The following OSBPL10 variants were observed in gnomAD, a reference collection of about 807,000 sequenced individuals.
OSBPL10 encodes oxysterol binding protein like 10.
OSBPL10 carries 49 observed loss-of-function variants against 81.7 expected under a neutral mutation model. The ratio of observed to expected loss-of-function variants is 0.60; its 90% CI spans 0.48 to 0.76. The LOEUF (loss-of-function observed/expected upper bound fraction) is 0.76, where lower values mean the gene tolerates loss of function less well. Among genes scored for constraint, OSBPL10 ranks in the 30% least tolerant of loss-of-function variants. The pLI is 0.00. For synonymous variants in OSBPL10, 419 were observed against 383.6 expected (o/e 1.09, Z -1.08); for missense variants, 923 against 987.8 (o/e 0.93, Z 0.88).
chr3:31,953,853 GAGAGAC>G (rs1697937051), intron 1 of OSBPL10, among the ~76,000 whole-genome samples: 1 of 152,222 alleles, frequency 6.6e-6, no homozygotes, highest in Admixed American at 6.5e-5. Context: ...GTGTGTGACA[GAGAGAC>G]AGAGACAGAG....
chr3:31,892,524 T>A, intron 1 of OSBPL10, among the ~76,000 whole-genome samples: 1 of 152,104 alleles, frequency 6.6e-6, no homozygotes, highest in South Asian at 2.1e-4. Flanking sequence ...ACACATTCTC[T>A]CCCCAAAAAA....
Position 31,668,718 on chromosome 3 carries a change from C to T in OSBPL10, c.2020G>A (p.Val674Ile), listed in dbSNP as rs756073192. The T allele has an allele frequency of 5.0e-6, 8 of 1,614,138 alleles. No homozygotes were observed. In the South Asian group the frequency reaches 7.7e-5, roughly 16 times the overall value. Reference protein sequence around the residue: ...EFTYNNGETKVIDTTTLPVYP... With the variant: ...EFTYNNGETKIIDTTTLPVYP... ...ACTGGCAGTGTGGTTGTGTCGATGA[C>T]TTTGGTTTCTCCATTGTTGTAGGTG... is the stretch of plus-strand genomic sequence containing the variant. Residue 674 changes from valine (V) to isoleucine (I), a missense_variant, in exon 10 of 12, where the codon GTC (valine) becomes ATC (isoleucine). Coordinates refer to ENST00000396556, the MANE Select transcript of OSBPL10 (RefSeq NM_017784.5).
intron 7 of OSBPL10, among the ~76,000 whole-genome samples, chr3:31,695,479 A>C (rs1226554434): frequency 1.3e-5 from 2 of 150,988 alleles, no homozygotes; most frequent in Admixed American, 1.3e-4. Flanking sequence ...ACTTCCCTCC[A>C]CTCCCAGTAT....
chr3:32,060,412 A>C (rs185868642), intron 1 of OSBPL10, among the ~76,000 whole-genome samples: 1 of 152,314 alleles, frequency 6.6e-6, no homozygotes, highest in Non-Finnish European at 1.5e-5. Context: ...GAACGCCATC[A>C]TTCTCAACTT....
intron 1 of OSBPL10, among the ~76,000 whole-genome samples, chr3:32,047,819 C>T (rs13321655): frequency 0.044 from 6,694 of 152,076 alleles, 418 homozygotes; most frequent in African/African-American, 0.13. Context: ...CCTGCCACTA[C>T]GCCTGGCTAA....
intron 11 of OSBPL10, chr3:31,663,452 T>TC: frequency 1.0e-6 from 1 of 987,922 alleles, no homozygotes; most frequent in Non-Finnish European, 1.2e-6. Context: ...TGCTTCCCAA[T>TC]CCCTCCACAA....
chr3:31,984,348 GT>G (rs144693842), upstream of OSBPL10, among the ~76,000 whole-genome samples: 68 of 145,492 alleles, frequency 4.7e-4, no homozygotes, highest in South Asian at 1.5e-3. Context: ...CCCACCTAAG[GT>G]TTTTTTTTTT....
intron 1 of OSBPL10, among the ~76,000 whole-genome samples, chr3:31,882,556 T>C (rs1423361869): frequency 6.6e-6 from 1 of 152,206 alleles, no homozygotes; most frequent in Non-Finnish European, 1.5e-5. Flanking sequence ...CAAATCCCTT[T>C]CCTCCTCTTC....
intron 8 of OSBPL10, among the ~76,000 whole-genome samples, chr3:31,681,481 A>C (rs998888263): frequency 3.9e-5 from 6 of 152,134 alleles, no homozygotes. Flanking sequence ...TCTTGACTTT[A>C]TTCTAGTCAG....
chr3:31,689,179 A>G (rs906037245), intron 7 of OSBPL10, among the ~76,000 whole-genome samples: 7 of 152,150 alleles, frequency 4.6e-5, no homozygotes, highest in Admixed American at 4.6e-4. Flanking sequence ...GAAAGCAAAG[A>G]AAACCTGACT....
intron 5 of OSBPL10, among the ~76,000 whole-genome samples, chr3:31,742,004 T>C (rs534469270): frequency 1.3e-5 from 2 of 152,366 alleles, no homozygotes; most frequent in East Asian, 3.9e-4. Context: ...AATAAACCCC[T>C]TTCTTTTGTA....
intron 3 of OSBPL10, among the ~76,000 whole-genome samples, chr3:31,845,602 G>C (rs533217933): frequency 6.6e-6 from 1 of 152,154 alleles, no homozygotes; most frequent in Non-Finnish European, 1.5e-5. Flanking sequence ...TACACACAGA[G>C]CAGAATCCAG....
intron 8 of OSBPL10, among the ~76,000 whole-genome samples, chr3:31,675,035 A>T (rs936635840): frequency 7.9e-5 from 12 of 152,224 alleles, no homozygotes; most frequent in African/African-American, 2.7e-4. Context: ...ACATAACCCC[A>T]TCATAAGCCA....
Position 31,709,075 on chromosome 3 carries a change from A to G in OSBPL10, c.1096-6567T>C, listed in dbSNP as rs561598391. On this transcript the variant is annotated intron_variant, in intron 6 of 11. Transcript: ENST00000396556. ...TTGCCATTTGGAGGTAGATTCAACA[A>G]CGAGGCCACTGTGAGGGGAACCCGA... 96 of 977,750 alleles carry G rather than the reference A, an allele frequency of 9.8e-5. No individual in the cohort carries two copies. In the African/African-American group the frequency reaches 1.6e-3, roughly 16 times the overall value. 60.6% of individuals were successfully genotyped at this position (977,750 alleles called of 1,614,324 possible).
intron 4 of OSBPL10, among the ~76,000 whole-genome samples, chr3:31,799,964 T>C (rs919800776): frequency 1.3e-5 from 2 of 152,220 alleles, no homozygotes; most frequent in Non-Finnish European, 2.9e-5. Flanking sequence ...CACCTTGGCC[T>C]CCCAGAGTGC....
chr3:31,871,740 G>A (rs1349281481), intron 3 of OSBPL10, among the ~76,000 whole-genome samples: 1 of 152,186 alleles, frequency 6.6e-6, no homozygotes, highest in African/African-American at 2.4e-5. Flanking sequence ...GTGTGTGCCT[G>A]TGGCCCCAGC....
At chr3:31,770,380 G>A (rs1698344880) in intron 4 of OSBPL10, among the ~76,000 whole-genome samples, 1 of 152,114 alleles carries the variant, frequency 6.6e-6, no homozygotes, top group Admixed American at 6.5e-5. Context: ...TTTATCCTGT[G>A]TGGTCTGTTC....
At chr3:31,838,701 C>A (rs1414533644) in intron 3 of OSBPL10, among the ~76,000 whole-genome samples, 1 of 152,040 alleles carries the variant, frequency 6.6e-6, no homozygotes, top group African/African-American at 2.4e-5. Context: ...AACACCATAA[C>A]TGGGAGCTGA....
In OSBPL10 at chr3:31,989,273, T is replaced by C. The variant is rs763340372; in HGVS notation, n.298+57218A>G. ...TACAGGAACCTGCATTCTGTGGATA[T>C]CTCTTCCAAATGCATGATGAAGAAG... On this transcript the variant is annotated intron_variant and non_coding_transcript_variant, in intron 2 of 3. Transcript: ENST00000479173. 6 of 1,614,028 alleles carry C rather than the reference T, an allele frequency of 3.7e-6. No homozygotes were observed. In the Admixed American group the frequency reaches 6.7e-5, roughly 18 times the overall value.
Sources: gnomAD v4.1 joint callset for allele counts (sites outside exome capture counted in the v4.1 genomes callset) on GRCh38, gnomAD v4.1.1 for gene constraint, MANE v1.5 for transcripts, NCBI Gene and HGNC (gene_info 2026-07-23, HGNC 2026-07-21) for gene names.